The following ABI3BP variants were observed in gnomAD, a reference collection of about 807,000 sequenced individuals.
ABI3BP encodes ABI family member 3 binding protein.
Under a neutral mutation model 268.6 loss-of-function variants are expected in ABI3BP, and 216 were observed. That is an observed-to-expected ratio of 0.80 (90% CI 0.72 to 0.90). The LOEUF is 0.90. ABI3BP is among the 40% of genes least tolerant of loss of function. The pLI is 0.00. For missense variants in ABI3BP, 2,090 were observed against 2,182.4 expected (o/e 0.96, Z 0.84); for synonymous variants, 730 against 730.0 (o/e 1.00, Z 0.00).
At chr3:100,874,982 G>T in intron 8 of ABI3BP, 49 bp from the exon 9 acceptor site, 1 of 1,073,592 alleles carries the variant, frequency 9.3e-7, no homozygotes, top group Non-Finnish European at 1.4e-6. Context: ...AGTGCATCAT[G>T]ACATAAAATG....
At position 100,838,475 on chromosome 3, in the gene ABI3BP, A is replaced by C. The variant is rs756473488; in HGVS notation, c.1946-11T>G. 115 of 1,533,578 alleles carry C rather than the reference A, an allele frequency of 7.5e-5. No homozygotes were observed. Among genetic ancestry groups the C allele is most frequent in the Non-Finnish European group, 9.9e-5 (113 of 1,144,898 alleles). 95.0% of individuals were successfully genotyped at this position (1,533,578 alleles called of 1,614,324 possible). ...CAGATGGTTTTGAGGCTAAAGAAAA[A>C]GGTATTAAAATTACCACAATGGGTC... On this transcript the variant is annotated splice_polypyrimidine_tract_variant and intron_variant, in intron 24 of 67. Coordinates refer to ENST00000471714, the MANE Select transcript of ABI3BP (RefSeq NM_001375547.2).
At chr3:100,775,445 C>T in intron 59 of ABI3BP, 110 bp from the exon 60 acceptor site, 1 of 1,409,362 alleles carries the variant, frequency 7.1e-7, no homozygotes, top group Non-Finnish European at 9.6e-7. Flanking sequence ...TGGCTTGGCA[C>T]TATAGACCAG....
intron 2 of ABI3BP, among the ~76,000 whole-genome samples, chr3:100,904,471 T>G (rs1023633397): frequency 6.6e-6 from 1 of 152,170 alleles, no homozygotes; most frequent in Non-Finnish European, 1.5e-5. Context: ...CATTATCATA[T>G]AATTCCAAAG....
At chr3:100,932,118 A>C (rs370022135) in intron 1 of ABI3BP, among the ~76,000 whole-genome samples, 1 of 152,054 alleles carries the variant, frequency 6.6e-6, no homozygotes, top group East Asian at 1.9e-4. Flanking sequence ...AGGACTCCCT[A>C]TTCAGTAAAT....
At chr3:100,778,469 G>T in intron 58 of ABI3BP, 93 bp from the exon 59 acceptor site, 1 of 1,121,498 alleles carries the variant, frequency 8.9e-7, no homozygotes, top group Non-Finnish European at 1.3e-6. Flanking sequence ...AAAAAATAAT[G>T]TTTGATAATT....
In ABI3BP at chr3:100,851,957, A is replaced by AAAAAG; in HGVS notation, c.1286-18_1286-17insCTTTT. The AAAAAG allele has an allele frequency of 6.7e-7, 1 of 1,502,298 alleles. No individual in the cohort carries two copies. The allele number at this position is 1,502,298 out of a possible 1,614,324, so 93.1% of individuals were successfully genotyped here. On this transcript the variant is annotated splice_polypyrimidine_tract_variant and intron_variant, in intron 14 of 67. Coordinates refer to ENST00000471714, the MANE Select transcript of ABI3BP (RefSeq NM_001375547.2). ...CATAAGTTGCTTAAAAAAAAAAAAA[A>AAAAAG]GGCAAAACAAGAGAGATGTTAATTT...
chr3:100,951,332 T>C (rs904585663), intron 1 of ABI3BP, among the ~76,000 whole-genome samples: 8 of 151,956 alleles, frequency 5.3e-5, no homozygotes, highest in African/African-American at 1.9e-4. Context: ...TCCATGAAAT[T>C]TCCATCTCTC....
intron 1 of ABI3BP, among the ~76,000 whole-genome samples, chr3:100,946,943 G>A (rs986945500): frequency 6.6e-6 from 1 of 152,118 alleles, no homozygotes; most frequent in Admixed American, 6.6e-5. Flanking sequence ...CAGTTCTGAA[G>A]ACATTAACTT....
chr3:100,872,822 A>C (rs544160453), intron 9 of ABI3BP, among the ~76,000 whole-genome samples: 1 of 152,336 alleles, frequency 6.6e-6, no homozygotes, highest in Non-Finnish European at 1.5e-5. Flanking sequence ...GCACAAATTA[A>C]GAAAATGAAG....
At chr3:100,875,379 A>C (rs2099151129) in intron 8 of ABI3BP, 129 bp downstream of exon 8, 3 of 708,748 alleles carry the variant, frequency 4.2e-6, no homozygotes, top group Non-Finnish European at 7.4e-6. Flanking sequence ...CCAGGATGCT[A>C]AACAGTGAAA....
At chr3:100,770,667 A>ACCCAGGGTACCCCACT in intron 62 of ABI3BP, 76 bp downstream of exon 62, 1 of 1,343,348 alleles carries the variant, frequency 7.4e-7, no homozygotes, top group East Asian at 2.7e-5. Flanking sequence ...GTCAACGTTG[A>ACCCAGGGTACCCCACT]CCCAGGGTAC....
At chr3:100,838,136 A>T in intron 26 of ABI3BP, 74 bp downstream of exon 26, 1 of 1,414,844 alleles carries the variant, frequency 7.1e-7, no homozygotes, top group Non-Finnish European at 9.6e-7. Context: ...ATATGATATG[A>T]CAGATTGGAA....
rs1561687065 is a variant in ABI3BP at position 100,922,553 on chromosome 3, T to TGGCGATGGC, written c.259+3748_259+3749insGCCATCGCC. Reference sequence around the variant, plus strand: ...GTGATGGTGATGGTGATGGTGATGGTGATGGCGATGGCGATGGCGATGGTG... The same window carrying TGGCGATGGC: ...GTGATGGTGATGGTGATGGTGATGGTGGCGATGGCGATGGCGATGGCGATGGCGATGGTG... On this transcript the variant is annotated intron_variant, in intron 2 of 67. Coordinates refer to ENST00000471714, the MANE Select transcript of ABI3BP (RefSeq NM_001375547.2). Among the ~76,000 whole-genome samples the TGGCGATGGC allele has an allele frequency of 3.8e-4, 56 of 146,182 alleles. No homozygotes were observed. The Middle Eastern group carries it at 0.01, about 27-fold the overall frequency.
chr3:100,885,501 T>C, intron 6 of ABI3BP, 35 bp downstream of exon 6: 5 of 1,357,322 alleles, frequency 3.7e-6, no homozygotes, highest in Non-Finnish European at 5.0e-6. Context: ...GATACAATTT[T>C]TTAAAAACAT....
At chr3:100,782,699 G>A (rs1261183186) in intron 57 of ABI3BP, among the ~76,000 whole-genome samples, 1 of 152,032 alleles carries the variant, frequency 6.6e-6, no homozygotes, top group Non-Finnish European at 1.5e-5. Context: ...TCAGAGGAGA[G>A]CAAATGAAGG....
chr3:100,772,639 G>C (rs116948005), intron 61 of ABI3BP, among the ~76,000 whole-genome samples: 1 of 151,966 alleles, frequency 6.6e-6, no homozygotes, highest in Admixed American at 6.6e-5. Context: ...AAATGAAATC[G>C]TAACATACTC....
At chr3:100,821,644 C>T (rs1334341950) in intron 38 of ABI3BP, among the ~76,000 whole-genome samples, 1 of 146,948 alleles carries the variant, frequency 6.8e-6, no homozygotes, top group Non-Finnish European at 1.5e-5. Flanking sequence ...GCTCTGTCAC[C>T]AAGGCTGGAG....
chr3:100,752,599 TA>T, intron 66 of ABI3BP, 187 bp downstream of exon 66: 1 of 548,288 alleles, frequency 1.8e-6, no homozygotes, highest in South Asian at 3.2e-5. Context: ...ATTTACCTTC[TA>T]ATAGCATGTC....
intron 4 of ABI3BP, among the ~76,000 whole-genome samples, chr3:100,887,100 C>G (rs1395399223): frequency 1.3e-5 from 2 of 151,972 alleles, no homozygotes; most frequent in African/African-American, 2.4e-5. Flanking sequence ...AATGGAGTTT[C>G]AGAACATTCA....
Sources: gnomAD v4.1 joint callset for allele counts (sites outside exome capture counted in the v4.1 genomes callset) on GRCh38, gnomAD v4.1.1 for gene constraint, MANE v1.5 for transcripts, NCBI Gene and HGNC (gene_info 2026-07-23, HGNC 2026-07-21) for gene names.